ENPP6: variants seen among roughly 807,000 people sequenced by gnomAD.
ENPP6 encodes the protein ectonucleotide pyrophosphatase/phosphodiesterase 6, also known as glycerophosphocholine cholinephosphodiesterase ENPP6.
A neutral mutation model predicts 42.0 loss-of-function variants in ENPP6; 32 were observed. The observed-to-expected ratio is 0.76, with a 90% CI of 0.58 to 1.02. The LOEUF (loss-of-function observed/expected upper bound fraction) is 1.02, where lower values mean the gene tolerates loss of function less well. Among genes scored for constraint, ENPP6 ranks in the 50% least tolerant of loss-of-function variants. The pLI is 0.00. For missense variants in ENPP6, 552 were observed against 566.8 expected (o/e 0.97, Z 0.27); for synonymous variants, 213 against 216.0 (o/e 0.99, Z 0.12).
At chr4:184,116,249 G>T (rs963792736) in intron 5 of ENPP6, among the ~76,000 whole-genome samples, 19 of 151,972 alleles carry the variant, frequency 1.3e-4, no homozygotes, top group African/African-American at 4.6e-4. Context: ...AACAGCCCTG[G>T]TGAGGGCCTG....
At position 184,089,487 on chromosome 4, in the gene ENPP6, G is replaced by C. The variant is rs1440942854; in HGVS notation, c.*1690C>G. 6.6e-6 allele frequency: 1 copy of C among 152,204 alleles called. No homozygotes were observed. The highest frequency in any genetic ancestry group is 1.5e-5 in the Non-Finnish European group (1 of 68,220). 9.4% of individuals were successfully genotyped at this position (152,204 alleles called of 1,614,324 possible). A position where few individuals can be genotyped will look rare whatever the true frequency, so the allele number is the denominator to read the frequency against. Reference sequence around the variant, plus strand: ...TTTTTTTTCTTTCTATTTTTTGGGGGGGGTGGAGGATGGGGTCTTGCTCTG... The same window carrying C: ...TTTTTTTTCTTTCTATTTTTTGGGGCGGGTGGAGGATGGGGTCTTGCTCTG... On this transcript the variant is annotated 3_prime_UTR_variant, in exon 8 of 8. Coordinates refer to ENST00000296741, the MANE Select transcript of ENPP6 (RefSeq NM_153343.4).
chr4:184,102,783 C>T (rs781782308), intron 6 of ENPP6, among the ~76,000 whole-genome samples: 2 of 152,240 alleles, frequency 1.3e-5, no homozygotes, highest in Non-Finnish European at 2.9e-5. Flanking sequence ...CCGTCCACAC[C>T]GGTGCATCCC....
intron 1 of ENPP6, among the ~76,000 whole-genome samples, chr4:184,205,532 A>G (rs895013553): frequency 3.9e-5 from 6 of 152,266 alleles, no homozygotes; most frequent in Non-Finnish European, 8.8e-5. Context: ...GGTGACCTAT[A>G]GGGCCAGGTC....
chr4:184,175,861 G>T (rs988609737), intron 1 of ENPP6, among the ~76,000 whole-genome samples: 3 of 152,214 alleles, frequency 2.0e-5, no homozygotes, highest in Admixed American at 6.5e-5. Flanking sequence ...GGTGCACCGG[G>T]TCAGATGTCC....
At position 184,089,460 on chromosome 4, in the gene ENPP6, CT is replaced by C. The variant is rs143573880; in HGVS notation, c.*1716del. On this transcript the variant is annotated 3_prime_UTR_variant, in exon 8 of 8. Coordinates refer to ENST00000296741, the MANE Select transcript of ENPP6 (RefSeq NM_153343.4). ...GCAGATGTACCTCAATTAGTGCAAA[CT>C]TTTTTTTTCTTTCTATTTTTTGGGG... The C allele has an allele frequency of 0.33, 45,781 of 137,692 alleles. 8,231 individuals are homozygous for C. Among genetic ancestry groups the C allele is most frequent in the East Asian group, 0.6 (2,907 of 4,814 alleles). 8.5% of individuals were successfully genotyped at this position (137,692 alleles called of 1,614,324 possible). A position where few individuals can be genotyped will look rare whatever the true frequency, so the allele number is the denominator to read the frequency against.
chr4:184,103,307 C>T (rs1424516741), intron 6 of ENPP6, among the ~76,000 whole-genome samples: 4 of 152,334 alleles, frequency 2.6e-5, no homozygotes, highest in Admixed American at 6.5e-5. Context: ...CCAAGTTCTT[C>T]CCTTTCTCCC....
In ENPP6 at chr4:184,091,065, T is replaced by C; in HGVS notation, c.*112A>G. The C allele has an allele frequency of 1.1e-6, 1 of 947,004 alleles. No homozygotes were observed. The highest frequency in any genetic ancestry group is 1.5e-6 in the Non-Finnish European group (1 of 657,646). 58.7% of individuals were successfully genotyped at this position (947,004 alleles called of 1,614,324 possible). On this transcript the variant is annotated 3_prime_UTR_variant, in exon 8 of 8. Transcript: ENST00000296741. ...AAGAATAATGTATTTACAATGTGCA[T>C]GGTCTTGATTGTGTTAATGAAGCTA...
In ENPP6 at chr4:184,090,954, T is replaced by C. The variant is rs114117043; in HGVS notation, c.*223A>G. 1,303 of 475,228 alleles carry C rather than the reference T, an allele frequency of 2.7e-3. 2 individuals are homozygous for C. Among genetic ancestry groups the C allele is most frequent in the Middle Eastern group, 4.4e-3 (8 of 1,832 alleles). 29.4% of individuals were successfully genotyped at this position (475,228 alleles called of 1,614,324 possible). ...AGAAAATGACATATAACTGCACAAA[T>C]GGAAAGCTAGGATTTTCCTACCTTC... On this transcript the variant is annotated 3_prime_UTR_variant, in exon 8 of 8. Coordinates refer to ENST00000296741, the MANE Select transcript of ENPP6 (RefSeq NM_153343.4).
At chr4:184,168,820 A>G (rs955154951) in intron 1 of ENPP6, among the ~76,000 whole-genome samples, 3 of 152,114 alleles carry the variant, frequency 2.0e-5, no homozygotes, top group Admixed American at 1.3e-4. Flanking sequence ...CACGCGCTGC[A>G]GCAAACGCGA....
intron 2 of ENPP6, among the ~76,000 whole-genome samples, chr4:184,142,218 T>G (rs2111369057): frequency 6.6e-6 from 1 of 152,352 alleles, no homozygotes; most frequent in East Asian, 1.9e-4. Context: ...GAGCCTAGGT[T>G]TCCCCTTCCA....
intron 2 of ENPP6, among the ~76,000 whole-genome samples, chr4:184,149,056 C>T (rs189095891): frequency 6.6e-6 from 1 of 152,304 alleles, no homozygotes; most frequent in East Asian, 1.9e-4. Flanking sequence ...ACCACAAAGT[C>T]TAATGCCAAA....
At chr4:184,094,235 C>T (rs1195506153) in intron 7 of ENPP6, among the ~76,000 whole-genome samples, 1 of 152,190 alleles carries the variant, frequency 6.6e-6, no homozygotes, top group Non-Finnish European at 1.5e-5. Context: ...AGCCATCATG[C>T]CACTGCACTC....
chr4:184,099,834 G>A (rs150896860), intron 6 of ENPP6, among the ~76,000 whole-genome samples: 1,654 of 152,120 alleles, frequency 0.011, 21 homozygotes, highest in South Asian at 0.062. Flanking sequence ...ATTTAGTCTC[G>A]TCAGCTGATT....
At chr4:184,183,536 A>C (rs945709973) in intron 1 of ENPP6, among the ~76,000 whole-genome samples, 1 of 152,062 alleles carries the variant, frequency 6.6e-6, no homozygotes, top group Non-Finnish European at 1.5e-5. Flanking sequence ...CACACACACA[A>C]GAGTTTTAAA....
chr4:184,130,833 A>G (rs1736593996), intron 2 of ENPP6, among the ~76,000 whole-genome samples: 1 of 152,174 alleles, frequency 6.6e-6, no homozygotes, highest in Non-Finnish European at 1.5e-5. Flanking sequence ...CTTATTTTGT[A>G]GTGTTAATTT....
chr4:184,137,724 C>T (rs1024494599), intron 2 of ENPP6, among the ~76,000 whole-genome samples: 4 of 152,146 alleles, frequency 2.6e-5, no homozygotes, highest in Non-Finnish European at 5.9e-5. Flanking sequence ...TTTACTGTTC[C>T]AACTGAAAGT....
At chr4:184,143,252 C>G (rs899169735) in intron 2 of ENPP6, among the ~76,000 whole-genome samples, 1 of 152,326 alleles carries the variant, frequency 6.6e-6, no homozygotes, top group East Asian at 1.9e-4. Context: ...TCCTTCCTCA[C>G]CCCTCCAATT....
At chr4:184,108,272 G>A (rs1221503289) in intron 6 of ENPP6, among the ~76,000 whole-genome samples, 1 of 152,206 alleles carries the variant, frequency 6.6e-6, no homozygotes, top group Non-Finnish European at 1.5e-5. Flanking sequence ...CAGAGAGGCT[G>A]CTTTCGGGCC....
At chr4:184,145,821 G>A (rs567829047) in intron 2 of ENPP6, among the ~76,000 whole-genome samples, 224 of 152,332 alleles carry the variant, frequency 1.5e-3, no homozygotes, top group African/African-American at 5.1e-3. Flanking sequence ...TGTGCGATGC[G>A]TGTCAGGGAA....
Sources: allele counts gnomAD v4.1 joint callset (sites outside exome capture counted in the v4.1 genomes callset), GRCh38; gene constraint gnomAD v4.1.1; transcripts MANE v1.5; gene names NCBI Gene and HGNC (gene_info 2026-07-23, HGNC 2026-07-21).